The following CPLX1 variants were observed in gnomAD, a reference collection of about 807,000 sequenced individuals.
CPLX1 encodes complexin 1.
CPLX1 carries 6 observed loss-of-function variants against 15.6 expected under a neutral mutation model. The ratio of observed to expected loss-of-function variants is 0.39; its 90% CI spans 0.21 to 0.76. CPLX1 has a LOEUF of 0.76. CPLX1 is among the 30% of genes least tolerant of loss of function. The pLI is 0.43. For missense variants in CPLX1, 242 were observed against 188.6 expected, an observed-to-expected ratio of 1.28 and a Z score of -1.66; for synonymous variants, 91 against 75.2, an observed-to-expected ratio of 1.21 and a Z score of -1.08.
At chr4:793,683 G>A (rs891116029) in intron 2 of CPLX1, among the ~76,000 whole-genome samples, 1 of 152,180 alleles carries the variant, frequency 6.6e-6, no homozygotes, top group African/African-American at 2.4e-5. Flanking sequence ...GTGTGTGTGA[G>A]GGGACTCTGG....
At chr4:819,384 C>T (rs1158215299) in intron 2 of CPLX1, among the ~76,000 whole-genome samples, 2 of 152,262 alleles carry the variant, frequency 1.3e-5, no homozygotes, top group East Asian at 3.8e-4. Context: ...CTGAAGGGTC[C>T]TTCCAGCCTC....
At position 821,509 on chromosome 4, in the gene CPLX1, G is replaced by A. The variant is rs150945634; in HGVS notation, c.31+2983C>T. On this transcript the variant is annotated intron_variant, in intron 2 of 3. Transcript: ENST00000304062. ...AGGATGGGAGAGCGGGTGGCTGCTC[G>A]CTTCTGCCACATTTAGCCCCATGAG... is the stretch of plus-strand genomic sequence containing the variant. Among the ~76,000 whole-genome samples the A allele has an allele frequency of 4.0e-3, 612 of 152,296 alleles. 2 individuals are homozygous for A. The highest frequency in any genetic ancestry group is 0.014 in the African/African-American group (580 of 41,552).
intron 2 of CPLX1, among the ~76,000 whole-genome samples, chr4:819,665 A>G (rs1367472167): frequency 1.3e-5 from 2 of 151,822 alleles, no homozygotes; most frequent in Non-Finnish European, 2.9e-5. Context: ...ACGCCTGCCC[A>G]ACACCCGGCC....
chr4:810,381 C>T (rs1746645983), intron 2 of CPLX1, among the ~76,000 whole-genome samples: 1 of 152,146 alleles, frequency 6.6e-6, no homozygotes, highest in African/African-American at 2.4e-5. Flanking sequence ...CTTGGGTCAA[C>T]GTCTAGGAGC....
chr4:815,566 C>T (rs1272781838), intron 2 of CPLX1, among the ~76,000 whole-genome samples: 3 of 152,168 alleles, frequency 2.0e-5, no homozygotes, highest in African/African-American at 7.2e-5. Flanking sequence ...CTCTGGAGCC[C>T]TTACAGGAGG....
intron 2 of CPLX1, among the ~76,000 whole-genome samples, chr4:821,672 C>A (rs1158500538): frequency 3.3e-5 from 5 of 152,170 alleles, no homozygotes; most frequent in East Asian, 1.9e-4. Flanking sequence ...TGGATCCGGA[C>A]CCACGTGTTG....
intron 2 of CPLX1, among the ~76,000 whole-genome samples, chr4:802,418 G>A (rs992971187): frequency 6.6e-6 from 1 of 152,214 alleles, no homozygotes; most frequent in African/African-American, 2.4e-5. Context: ...ACTCATTGGA[G>A]TGTACCCTTA....
chr4:823,812 C>T (rs576899505), intron 2 of CPLX1, among the ~76,000 whole-genome samples: 31 of 152,368 alleles, frequency 2.0e-4, no homozygotes, highest in African/African-American at 6.5e-4. Flanking sequence ...CAAGTGGGGA[C>T]GAGGTTCCTT....
intron 3 of CPLX1, among the ~76,000 whole-genome samples, chr4:791,372 C>G (rs908993827): frequency 4.4e-4 from 67 of 151,790 alleles, no homozygotes; most frequent in African/African-American, 1.6e-3. Flanking sequence ...TGCGAGGGAC[C>G]GGAGGGTGTG....
chr4:811,236 T>C (rs1349852634), intron 2 of CPLX1, among the ~76,000 whole-genome samples: 7 of 152,208 alleles, frequency 4.6e-5, no homozygotes, highest in Non-Finnish European at 8.8e-5. Context: ...CTCAAACTGC[T>C]GAGCTCAAGT....
intron 2 of CPLX1, among the ~76,000 whole-genome samples, chr4:820,292 A>C (rs6832751): frequency 3.3e-5 from 5 of 151,898 alleles, no homozygotes; most frequent in African/African-American, 1.2e-4. Flanking sequence ...AGAGAGCCTG[A>C]TCAGTGGCCC....
Position 797,886 on chromosome 4 carries a change from C to T in CPLX1, c.32-5278G>A, listed in dbSNP as rs192574008. ...CGGAGCTTGCAGTGAGCCAAGATCGCGCCACTGGACTCCAGCCTGGGCAAC... is the reference window on the plus strand; with the variant it reads ...CGGAGCTTGCAGTGAGCCAAGATCGTGCCACTGGACTCCAGCCTGGGCAAC... On this transcript the variant is annotated intron_variant, in intron 2 of 3. Transcript: ENST00000304062. Among the ~76,000 whole-genome samples the T allele has an allele frequency of 6.8e-4, 104 of 152,036 alleles. 1 individual carries two copies. The highest frequency in any genetic ancestry group is 2.4e-3 in the African/African-American group (98 of 41,524).
At chr4:814,505 G>A (rs986244112) in intron 2 of CPLX1, among the ~76,000 whole-genome samples, 1 of 152,146 alleles carries the variant, frequency 6.6e-6, no homozygotes, top group Admixed American at 6.5e-5. Context: ...GAGCCACCAC[G>A]CCCGGCCCTC....
At chr4:799,391 G>A (rs1746408800) in intron 2 of CPLX1, among the ~76,000 whole-genome samples, 1 of 152,236 alleles carries the variant, frequency 6.6e-6, no homozygotes, top group East Asian at 1.9e-4. Flanking sequence ...TGGGCACATG[G>A]AGGCTGGAAG....
chr4:813,093 C>T (rs1161854172), intron 2 of CPLX1, among the ~76,000 whole-genome samples: 2 of 151,372 alleles, frequency 1.3e-5, no homozygotes, highest in Non-Finnish European at 2.9e-5. Flanking sequence ...GGTGAAACCC[C>T]GTCTCTACTA....
At chr4:792,157 C>A (rs1355791287) in intron 3 of CPLX1, among the ~76,000 whole-genome samples, 1 of 152,176 alleles carries the variant, frequency 6.6e-6, no homozygotes, top group Non-Finnish European at 1.5e-5. Context: ...AGGCAGCCAG[C>A]CAGGCTCCAC....
chr4:788,259 G>T (rs1746061246), intron 3 of CPLX1: 7 of 985,226 alleles, frequency 7.1e-6, no homozygotes, highest in East Asian at 1.1e-4. Context: ...ATGGAGGGGG[G>T]GCTGCCTGTG....
Position 786,412 on chromosome 4 carries a change from G to A in CPLX1, c.*89C>T, listed in dbSNP as rs1177421862. ...GGCTATGGCTTATATCGGCGTGGGG[G>A]CTGCGCTCTGCTCGTCCCTCAGGGG... On this transcript the variant is annotated 3_prime_UTR_variant, in exon 4 of 4. Coordinates refer to ENST00000304062, the MANE Select transcript of CPLX1 (RefSeq NM_006651.4). 4.3e-6 allele frequency: 6 copies of A among 1,396,122 alleles called. No homozygotes were observed. The highest frequency in any genetic ancestry group is 5.7e-6 in the Non-Finnish European group (6 of 1,048,238). 86.5% of individuals were successfully genotyped at this position (1,396,122 alleles called of 1,614,324 possible). A position where few individuals can be genotyped will look rare whatever the true frequency, so the allele number is the denominator to read the frequency against.
At chr4:805,994 T>C (rs188503881) in intron 2 of CPLX1, among the ~76,000 whole-genome samples, 46 of 152,240 alleles carry the variant, frequency 3.0e-4, no homozygotes, top group African/African-American at 9.6e-4. Flanking sequence ...AGAGTTTCAG[T>C]TGGAAATGAT....
Sources: gnomAD v4.1 joint callset for allele counts (sites outside exome capture counted in the v4.1 genomes callset) on GRCh38, gnomAD v4.1.1 for gene constraint, MANE v1.5 for transcripts, NCBI Gene and HGNC (gene_info 2026-07-23, HGNC 2026-07-21) for gene names.